The following TRAK2 variants were observed in gnomAD, a reference collection of about 807,000 sequenced individuals.
The protein encoded by TRAK2 is trafficking kinesin protein 2.
A neutral mutation model predicts 104.6 loss-of-function variants in TRAK2; 81 were observed. The observed-to-expected ratio is 0.77, with a 90% CI of 0.65 to 0.93. The LOEUF is 0.93. Among genes scored for constraint, TRAK2 ranks in the 40% least tolerant of loss-of-function variants. The probability of loss-of-function intolerance (pLI) is 0.00; values close to 1 mark genes in which losing one functional copy is unlikely to be tolerated. For synonymous variants in TRAK2, 406 were observed against 394.4 expected, an observed-to-expected ratio of 1.03 and a Z score of -0.35; for missense variants, 1,002 against 1,089.0, an observed-to-expected ratio of 0.92 and a Z score of 1.12.
chr2:201,386,241 G>A lies in TRAK2; in HGVS notation c.1940C>T (p.Thr647Ile). 1.2e-6 allele frequency: 2 copies of A among 1,614,158 alleles called. No homozygotes were observed. Among genetic ancestry groups the A allele is most frequent in the Non-Finnish European group, 1.7e-6 (2 of 1,179,996 alleles). Reference sequence around the variant, plus strand: ...ACCTGTAACTGGTCCACCTGCTGAAGTAATGGGTGGCAGGAAGATCCCTGT... The same window carrying A: ...ACCTGTAACTGGTCCACCTGCTGAAATAATGGGTGGCAGGAAGATCCCTGT... ...PVTGIFLPPI[T>I]SAGGPVTVAT... Residue 647 changes from threonine (T) to isoleucine (I), a missense_variant, in exon 14 of 16, where the codon ACT (threonine) becomes ATT (isoleucine). Thr to Ile is a moderately conservative substitution (Grantham distance 89, BLOSUM62 -1). Coordinates refer to ENST00000332624, the MANE Select transcript of TRAK2 (RefSeq NM_015049.3).
At chr2:201,417,265 GAA>G (rs1951701931) in intron 2 of TRAK2, among the ~76,000 whole-genome samples, 3 of 106,616 alleles carry the variant, frequency 2.8e-5, no homozygotes, top group Admixed American at 9.2e-5. Context: ...AAAAAGAAAA[GAA>G]AAAAGAAAAA....
intron 1 of TRAK2, among the ~76,000 whole-genome samples, chr2:201,440,693 T>C (rs1184230406): frequency 6.6e-6 from 1 of 152,242 alleles, no homozygotes; most frequent in Non-Finnish European, 1.5e-5. Flanking sequence ...AATCTTAACA[T>C]CCCTCACTGT....
intron 2 of TRAK2, 120 bp from the exon 3 acceptor site, chr2:201,407,717 T>C: frequency 1.2e-6 from 1 of 806,622 alleles, no homozygotes; most frequent in Non-Finnish European, 1.9e-6. Context: ...CTAGACAAGA[T>C]CATTTCTCCA....
rs1288173586 is a variant in TRAK2, at chr2:201,401,089, C to G, written c.292G>C (p.Gly98Arg). 1 of 1,605,528 alleles carries G rather than the reference C, an allele frequency of 6.2e-7. No homozygotes were observed. Among genetic ancestry groups the G allele is most frequent in the East Asian group, 2.2e-5 (1 of 44,668 alleles). Residue 98 changes from glycine to arginine, a missense_variant, in exon 4 of 16, where the codon GGC (glycine) becomes CGC (arginine). Gly to Arg is a moderately radical substitution (Grantham distance 125). Transcript: ENST00000332624. ...GTCATCTGCTCCACCCTGTCTGTGCCTAGAACTAATATAGTTAAAAACAAC... is the reference window on the plus strand; with the variant it reads ...GTCATCTGCTCCACCCTGTCTGTGCGTAGAACTAATATAGTTAAAAACAAC... ...AEETFRYMIL[G>R]TDRVEQMTKT...
chr2:201,424,662 G>A (rs1456250651), intron 1 of TRAK2, among the ~76,000 whole-genome samples: 1 of 151,760 alleles, frequency 6.6e-6, no homozygotes, highest in East Asian at 1.9e-4. Context: ...GACTGCAGTG[G>A]CACAATCTCG....
At chr2:201,391,881 G>T (rs1033651534) in intron 10 of TRAK2, among the ~76,000 whole-genome samples, 1 of 152,174 alleles carries the variant, frequency 6.6e-6, no homozygotes, top group Non-Finnish European at 1.5e-5. Context: ...AACTGTCCCA[G>T]ATGGAAACAA....
At chr2:201,422,930 A>C (rs1386447274) in intron 1 of TRAK2, among the ~76,000 whole-genome samples, 2 of 152,160 alleles carry the variant, frequency 1.3e-5, no homozygotes, top group Non-Finnish European at 2.9e-5. Flanking sequence ...ATTACTTTGT[A>C]AATGATAAAA....
intron 1 of TRAK2, among the ~76,000 whole-genome samples, chr2:201,448,066 G>T (rs1045056847): frequency 3.3e-5 from 5 of 152,238 alleles, no homozygotes; most frequent in African/African-American, 4.8e-5. Flanking sequence ...ATGAAAGAAA[G>T]AACAGGAACC....
At chr2:201,395,182 A>G (rs1559440808) in intron 8 of TRAK2, 132 bp downstream of exon 8, 2 of 632,628 alleles carry the variant, frequency 3.2e-6, no homozygotes, top group Non-Finnish European at 5.0e-6. Flanking sequence ...TGATTAAAAC[A>G]GCAATCAGAT....
At chr2:201,390,462 G>A (rs1367849591) in intron 10 of TRAK2, among the ~76,000 whole-genome samples, 4 of 150,162 alleles carry the variant, frequency 2.7e-5, no homozygotes, top group Non-Finnish European at 5.9e-5. Flanking sequence ...TACTCGGGAG[G>A]CTGAGGCAGG....
chr2:201,404,888 A>G (rs1462504819), intron 3 of TRAK2, among the ~76,000 whole-genome samples: 9 of 152,226 alleles, frequency 5.9e-5, no homozygotes, highest in Non-Finnish European at 1.2e-4. Context: ...AGCAGTGACC[A>G]CAGCCCTTGC....
At chr2:201,409,279 CT>C (rs35095618) in intron 2 of TRAK2, among the ~76,000 whole-genome samples, 465 of 143,070 alleles carry the variant, frequency 3.3e-3, no homozygotes, top group South Asian at 6.2e-3. Context: ...TCAATGTCAG[CT>C]TTTTTTTTTT....
chr2:201,446,298 C>T (rs1419320158), intron 1 of TRAK2, among the ~76,000 whole-genome samples: 1 of 152,178 alleles, frequency 6.6e-6, no homozygotes, highest in Non-Finnish European at 1.5e-5. Context: ...TCTGTCCATG[C>T]TATTTCTTCT....
At chr2:201,446,987 T>C (rs1043022699) in intron 1 of TRAK2, among the ~76,000 whole-genome samples, 2 of 152,228 alleles carry the variant, frequency 1.3e-5, no homozygotes, top group African/African-American at 2.4e-5. Context: ...CTTTATAATG[T>C]TATATTAACA....
chr2:201,415,344 C>T (rs1951682517), intron 2 of TRAK2, among the ~76,000 whole-genome samples: 1 of 152,014 alleles, frequency 6.6e-6, no homozygotes, highest in Non-Finnish European at 1.5e-5. Context: ...CCAGTCCATA[C>T]AAAATTACTA....
chr2:201,391,598 G>A (rs1951448626), intron 10 of TRAK2, among the ~76,000 whole-genome samples: 1 of 152,130 alleles, frequency 6.6e-6, no homozygotes, highest in South Asian at 2.1e-4. Flanking sequence ...TCACTACACG[G>A]TGAATTAGTA....
intron 2 of TRAK2, among the ~76,000 whole-genome samples, chr2:201,416,163 G>C (rs1399381903): frequency 6.7e-6 from 1 of 148,190 alleles, no homozygotes; most frequent in African/African-American, 2.5e-5. Flanking sequence ...CAAGGTGAAA[G>C]GACTGCTTGA....
chr2:201,400,110 T>C (rs79285440), intron 4 of TRAK2, among the ~76,000 whole-genome samples: 4,408 of 144,758 alleles, frequency 0.03, 218 homozygotes, highest in African/African-American at 0.1. Context: ...GCCTAGAGTA[T>C]AGAGAAGAAA....
intron 2 of TRAK2, 21 bp from the exon 3 acceptor site, chr2:201,407,618 A>C (rs899918238): frequency 5.7e-6 from 9 of 1,582,308 alleles, no homozygotes; most frequent in Non-Finnish European, 7.7e-6. Flanking sequence ...GAGTCTATGT[A>C]AATGAATCCA....
Sources: gnomAD v4.1 joint callset for allele counts (sites outside exome capture counted in the v4.1 genomes callset) on GRCh38, gnomAD v4.1.1 for gene constraint, MANE v1.5 for transcripts, NCBI Gene and HGNC (gene_info 2026-07-23, HGNC 2026-07-21) for gene names.